Variants in ULK4 observed in about 807,000 individuals in gnomAD.
ULK4 encodes inactive serine/threonine-protein kinase ULK4.
A neutral mutation model predicts 160.6 loss-of-function variants in ULK4; 133 were observed. The observed-to-expected ratio is 0.83, with a 90% CI of 0.72 to 0.96. The LOEUF (loss-of-function observed/expected upper bound fraction) is 0.96, where lower values mean the gene tolerates loss of function less well. Among genes scored for constraint, ULK4 ranks in the 40% least tolerant of loss-of-function variants. The probability of loss-of-function intolerance (pLI) is 0.00; values close to 1 mark genes in which losing one functional copy is unlikely to be tolerated. For synonymous variants in ULK4, 534 were observed against 539.8 expected, an observed-to-expected ratio of 0.99 and a Z score of 0.15; for missense variants, 1,580 against 1,499.5, an observed-to-expected ratio of 1.05 and a Z score of -0.89.
At chr3:41,803,065 T>A (rs1003714219) in intron 19 of ULK4, among the ~76,000 whole-genome samples, 1 of 151,438 alleles carries the variant, frequency 6.6e-6, no homozygotes, top group Non-Finnish European at 1.5e-5. Flanking sequence ...CTCAGGAGAC[T>A]GAGGCAGGAG....
At position 41,924,243 on chromosome 3, in the gene ULK4, C is replaced by T. The variant is rs772080072; in HGVS notation, c.542-4425G>A. 2.3e-4 allele frequency among the ~76,000 whole-genome samples: 35 copies of T among 152,208 alleles called. No homozygotes were observed. The Middle Eastern group carries it at 0.01, about 44-fold the overall frequency. On this transcript the variant is annotated intron_variant, in intron 5 of 36. Transcript: ENST00000301831. ...AAGGTAGGGTGATTTTTTTCATGTG[C>T]CTTGCTCATCGCCATACTTAGACAG...
intron 30 of ULK4, among the ~76,000 whole-genome samples, chr3:41,659,417 C>T (rs548703903): frequency 1.7e-4 from 26 of 152,168 alleles, no homozygotes; most frequent in African/African-American, 5.6e-4. Context: ...CCCAGACCAA[C>T]GAACTATTGG....
intron 21 of ULK4, among the ~76,000 whole-genome samples, chr3:41,784,750 T>C (rs756438689): frequency 9.9e-5 from 15 of 152,182 alleles, no homozygotes; most frequent in Non-Finnish European, 2.1e-4. Context: ...CAGATGACAA[T>C]GTGAACTGAA....
intron 21 of ULK4, among the ~76,000 whole-genome samples, chr3:41,773,305 T>A (rs150794640): frequency 6.6e-6 from 1 of 152,320 alleles, no homozygotes; most frequent in Non-Finnish European, 1.5e-5. Flanking sequence ...ATGACTTGAC[T>A]GTATATCTAG....
At position 41,835,964 on chromosome 3, in the gene ULK4, A is replaced by G; in HGVS notation, c.1664T>C (p.Val555Ala). Reference protein sequence around the residue: ...QENTPVVEAIVLLTELIRENF... With the variant: ...QENTPVVEAIALLTELIRENF... The stretch of plus-strand genomic sequence containing the variant: ...TTCCCTAATTAATTCAGTTAAGAGA[A>G]CAATTGCCTGCAAAGACAAAAAAAA... The change falls in exon 18 of 37, where the codon GTT (valine) becomes GCT (alanine). Residue 555 changes from valine to alanine, a missense_variant. By Grantham distance (64) the Val-to-Ala change is moderately conservative. Transcript: ENST00000301831. The G allele has an allele frequency of 1.3e-6, 2 of 1,588,228 alleles. No individual in the cohort carries two copies. Among genetic ancestry groups the G allele is most frequent in the South Asian group, 1.1e-5 (1 of 87,968 alleles).
At chr3:41,263,129 T>C (rs1284513750) in intron 35 of ULK4, among the ~76,000 whole-genome samples, 2 of 152,166 alleles carry the variant, frequency 1.3e-5, no homozygotes, top group Non-Finnish European at 2.9e-5. Flanking sequence ...GCTGGAATTA[T>C]TTCCTCACAA....
chr3:41,813,251 A>T (rs57209010), intron 19 of ULK4, among the ~76,000 whole-genome samples: 19,341 of 152,146 alleles, frequency 0.13, 1,387 homozygotes, highest in Middle Eastern at 0.27. Flanking sequence ...ACCATGGCAC[A>T]CGTTTACCTA....
chr3:41,618,614 C>G lies in ULK4; in HGVS notation c.3072-2897G>C, dbSNP rs1316070425. Among the ~76,000 whole-genome samples, 4 of 152,090 alleles carry G rather than the reference C, an allele frequency of 2.6e-5. No homozygotes were observed. The East Asian group carries it at 7.7e-4, about 29-fold the overall frequency. On this transcript the variant is annotated intron_variant, in intron 30 of 36. Coordinates refer to ENST00000301831, the MANE Select transcript of ULK4 (RefSeq NM_017886.4). ...CTACCAGGCCTGCTTTACAGGAGCT[C>G]CTGAAGGAAGCACTAAATATGGAAA...
intron 21 of ULK4, among the ~76,000 whole-genome samples, chr3:41,787,771 T>C (rs2125590158): frequency 6.6e-6 from 1 of 152,318 alleles, no homozygotes; most frequent in Non-Finnish European, 1.5e-5. Context: ...CCAATACTAA[T>C]CAAAAGTAAA....
chr3:41,270,315 C>G (rs1281792429), intron 35 of ULK4, among the ~76,000 whole-genome samples: 1 of 152,128 alleles, frequency 6.6e-6, no homozygotes, highest in African/African-American at 2.4e-5. Flanking sequence ...CCCAACCCAG[C>G]TGGGGAGCTG....
intron 32 of ULK4, among the ~76,000 whole-genome samples, chr3:41,467,415 G>A (rs748738392): frequency 6.6e-6 from 1 of 152,070 alleles, no homozygotes; most frequent in African/African-American, 2.4e-5. Flanking sequence ...TAATCCCAGC[G>A]ACTCAGGAGG....
chr3:41,871,539 A>G (rs542648563), intron 17 of ULK4, among the ~76,000 whole-genome samples: 2 of 152,312 alleles, frequency 1.3e-5, no homozygotes, highest in Admixed American at 6.5e-5. Context: ...TGCCACTATT[A>G]TATTGCTTTA....
At chr3:41,906,484 G>C (rs1019640624) in intron 12 of ULK4, among the ~76,000 whole-genome samples, 59 of 152,040 alleles carry the variant, frequency 3.9e-4, no homozygotes, top group African/African-American at 1.4e-3. Flanking sequence ...AGCTATGATT[G>C]TACCACTGTA....
chr3:41,925,167 A>G (rs765720804), intron 5 of ULK4, among the ~76,000 whole-genome samples: 3 of 152,310 alleles, frequency 2.0e-5, no homozygotes, highest in Non-Finnish European at 4.4e-5. Flanking sequence ...ATCAATGAAG[A>G]AGGCAGGTGA....
rs1206489250 is a variant in ULK4, at chr3:41,287,398, C to A, written c.3679-37824G>T. On this transcript the variant is annotated intron_variant, in intron 35 of 36. Transcript: ENST00000301831. The stretch of plus-strand genomic sequence containing the variant: ...ACTGAAATGATATGAAGAGAAAAAA[C>A]AACGCAGCTTCCTCTGTTTTCTGCC... 2.0e-5 allele frequency among the ~76,000 whole-genome samples: 3 copies of A among 152,148 alleles called. No individual in the cohort carries two copies. The East Asian group carries it at 5.8e-4, about 29-fold the overall frequency.
intron 35 of ULK4, among the ~76,000 whole-genome samples, chr3:41,390,825 G>A (rs925386768): frequency 3.3e-5 from 5 of 152,150 alleles, no homozygotes; most frequent in Admixed American, 6.6e-5. Context: ...GTGTGGTGCT[G>A]AGAAGAATGT....
intron 22 of ULK4, among the ~76,000 whole-genome samples, chr3:41,750,776 A>T (rs1015046301): frequency 6.6e-6 from 1 of 151,748 alleles, no homozygotes; most frequent in Non-Finnish European, 1.5e-5. Context: ...CGGGTGGATT[A>T]TTTGAGGTCG....
intron 29 of ULK4, among the ~76,000 whole-genome samples, chr3:41,676,421 T>G (rs1329284590): frequency 6.6e-6 from 1 of 152,028 alleles, no homozygotes; most frequent in Admixed American, 6.6e-5. Context: ...ACCCTGAGCT[T>G]TAGAAAGTAT....
chr3:41,440,844 T>C (rs771712104), intron 34 of ULK4, among the ~76,000 whole-genome samples: 2 of 152,112 alleles, frequency 1.3e-5, no homozygotes, highest in Non-Finnish European at 2.9e-5. Context: ...TTATTCAGGT[T>C]GTTTTTTTCT....
Sources: gnomAD v4.1 joint callset for allele counts (sites outside exome capture counted in the v4.1 genomes callset) on GRCh38, gnomAD v4.1.1 for gene constraint, MANE v1.5 for transcripts, NCBI Gene and HGNC (gene_info 2026-07-23, HGNC 2026-07-21) for gene names.